Variants in MACROD2 observed in about 807,000 individuals in gnomAD.
MACROD2 encodes ADP-ribose glycohydrolase MACROD2.
In MACROD2, 36 loss-of-function variants were observed where a neutral mutation model predicts 70.4. That is an observed-to-expected ratio of 0.51 (90% CI 0.39 to 0.68). MACROD2 has a LOEUF of 0.68. MACROD2 is among the 30% of genes least tolerant of loss of function. The probability of loss-of-function intolerance (pLI) is 0.00; values close to 1 mark genes in which losing one functional copy is unlikely to be tolerated. For synonymous variants in MACROD2, 172 were observed against 178.8 expected (o/e 0.96, Z 0.30); for missense variants, 496 against 538.4 (o/e 0.92, Z 0.78).
chr20:14,118,318 G>A (rs2054540152), intron 3 of MACROD2, among the ~76,000 whole-genome samples: 1 of 152,140 alleles, frequency 6.6e-6, no homozygotes, highest in African/African-American at 2.4e-5. Flanking sequence ...GGTATTGTTG[G>A]TAGGACGCAC....
chr20:14,364,633 C>T (rs2083255514), intron 3 of MACROD2, among the ~76,000 whole-genome samples: 1 of 152,184 alleles, frequency 6.6e-6, no homozygotes, highest in Admixed American at 6.5e-5. Context: ...CCTTAGCTCC[C>T]AGAAACCACC....
At chr20:14,438,374 A>G (rs764331090) in intron 3 of MACROD2, among the ~76,000 whole-genome samples, 4 of 152,224 alleles carry the variant, frequency 2.6e-5, no homozygotes, top group Non-Finnish European at 5.9e-5. Flanking sequence ...TGCTGTGAAC[A>G]TGGAAGTGCC....
At chr20:15,603,553 A>G (rs1170101354) in intron 8 of MACROD2, among the ~76,000 whole-genome samples, 1 of 151,920 alleles carries the variant, frequency 6.6e-6, no homozygotes, top group African/African-American at 2.4e-5. Context: ...AAATCTATTC[A>G]TAGATAAATT....
intron 5 of MACROD2, among the ~76,000 whole-genome samples, chr20:15,203,024 T>C (rs578190182): frequency 2.0e-5 from 3 of 152,240 alleles, no homozygotes; most frequent in East Asian, 1.9e-4. Context: ...AAAATAGATA[T>C]AGAAAATTTC....
At chr20:15,044,793 T>C (rs1187948460) in intron 5 of MACROD2, among the ~76,000 whole-genome samples, 1 of 151,998 alleles carries the variant, frequency 6.6e-6, no homozygotes, top group Non-Finnish European at 1.5e-5. Flanking sequence ...TTGTAAATAG[T>C]CTCTATTAAA....
intron 4 of MACROD2, among the ~76,000 whole-genome samples, chr20:14,677,126 T>C (rs2070871457): frequency 6.6e-6 from 1 of 152,156 alleles, no homozygotes; most frequent in African/African-American, 2.4e-5. Flanking sequence ...CATTTGCTTA[T>C]AAAATGATGA....
chr20:16,001,392 A>G (rs2066706919), intron 15 of MACROD2, among the ~76,000 whole-genome samples: 1 of 152,220 alleles, frequency 6.6e-6, no homozygotes, highest in Non-Finnish European at 1.5e-5. Flanking sequence ...AAGGGAGGCA[A>G]GCATTTGAAC....
At chr20:14,297,288 C>T (rs1023048681) in intron 3 of MACROD2, among the ~76,000 whole-genome samples, 1 of 151,812 alleles carries the variant, frequency 6.6e-6, no homozygotes, top group African/African-American at 2.4e-5. Context: ...CTATGTCTCT[C>T]ACTTAAAATC....
intron 15 of MACROD2, among the ~76,000 whole-genome samples, chr20:15,990,486 G>A (rs1020721315): frequency 6.6e-6 from 1 of 152,012 alleles, no homozygotes; most frequent in Admixed American, 6.6e-5. Context: ...GTGTTAAACA[G>A]AATGAATACA....
chr20:14,775,227 A>T (rs2072218289), intron 5 of MACROD2, among the ~76,000 whole-genome samples: 1 of 152,104 alleles, frequency 6.6e-6, no homozygotes. Flanking sequence ...TATTGTACAC[A>T]TTTATTAGCT....
intron 3 of MACROD2, among the ~76,000 whole-genome samples, chr20:14,442,815 G>A (rs1600241569): frequency 6.6e-6 from 1 of 152,070 alleles, no homozygotes; most frequent in East Asian, 1.9e-4. Flanking sequence ...GGTGGCTCAC[G>A]CCTGTAATCC....
chr20:14,420,122 G>A, intron 3 of MACROD2, among the ~76,000 whole-genome samples: 1 of 149,622 alleles, frequency 6.7e-6, no homozygotes, highest in Non-Finnish European at 1.5e-5. Flanking sequence ...CTTACCATAG[G>A]GCCCATTTAC....
intron 3 of MACROD2, among the ~76,000 whole-genome samples, chr20:14,236,478 A>G (rs1316793709): frequency 6.6e-6 from 1 of 152,148 alleles, no homozygotes; most frequent in Non-Finnish European, 1.5e-5. Context: ...CTTACTTAAA[A>G]AAAAAGCAAA....
chr20:15,620,107 A>G (rs2049103931), intron 8 of MACROD2, among the ~76,000 whole-genome samples: 1 of 152,206 alleles, frequency 6.6e-6, no homozygotes, highest in African/African-American at 2.4e-5. Context: ...TCTCCAGGAC[A>G]GAAGGACACT....
At chr20:15,377,603 A>G (rs2045580732) in intron 6 of MACROD2, among the ~76,000 whole-genome samples, 1 of 152,256 alleles carries the variant, frequency 6.6e-6, no homozygotes, top group Admixed American at 6.5e-5. Flanking sequence ...CCAAAGTCTA[A>G]CATGTTTCCA....
At chr20:14,121,015 CA>C (rs957376656) in intron 3 of MACROD2, among the ~76,000 whole-genome samples, 1 of 151,780 alleles carries the variant, frequency 6.6e-6, no homozygotes, top group African/African-American at 2.4e-5. Context: ...GTACAGGTAC[CA>C]TTTTTTTTTA....
chr20:14,433,268 A>G (rs917073793), intron 3 of MACROD2, among the ~76,000 whole-genome samples: 1 of 152,210 alleles, frequency 6.6e-6, no homozygotes, highest in Non-Finnish European at 1.5e-5. Flanking sequence ...CACATTCATA[A>G]CAAAGCCCCA....
chr20:15,610,516 C>G (rs970104767), intron 8 of MACROD2, among the ~76,000 whole-genome samples: 2 of 152,176 alleles, frequency 1.3e-5, no homozygotes, highest in African/African-American at 4.8e-5. Flanking sequence ...TTTTCTTTCT[C>G]TTACAGGGGC....
intron 3 of MACROD2, among the ~76,000 whole-genome samples, chr20:14,339,607 A>G (rs1009761080): frequency 2.0e-5 from 3 of 152,224 alleles, no homozygotes; most frequent in African/African-American, 4.8e-5. Flanking sequence ...ATAGGTATCA[A>G]AAATAAATTG....
Sources: allele counts gnomAD v4.1 joint callset (sites outside exome capture counted in the v4.1 genomes callset), GRCh38; gene constraint gnomAD v4.1.1; transcripts MANE v1.5; gene names NCBI Gene and HGNC (gene_info 2026-07-23, HGNC 2026-07-21).